PUS7: variants seen among roughly 807,000 people sequenced by gnomAD.
PUS7 encodes the protein pseudouridine synthase 7.
PUS7 carries 48 observed loss-of-function variants against 79.8 expected under a neutral mutation model. That is an observed-to-expected ratio of 0.60 (90% CI 0.48 to 0.76). The LOEUF is 0.76. PUS7 is among the 30% of genes least tolerant of loss of function. The pLI is 0.00. For missense variants in PUS7, 729 were observed against 797.6 expected, an observed-to-expected ratio of 0.91 and a Z score of 1.04; for synonymous variants, 286 against 272.2, an observed-to-expected ratio of 1.05 and a Z score of -0.50.
At chr7:105,476,987 A>C (rs551163419) in intron 9 of PUS7, among the ~76,000 whole-genome samples, 97 of 152,294 alleles carry the variant, frequency 6.4e-4, no homozygotes, top group Non-Finnish European at 1.2e-3. Flanking sequence ...GTCTCTTATC[A>C]GATGTATGAT....
chr7:105,501,759 T>A (rs1425065062), intron 5 of PUS7, among the ~76,000 whole-genome samples: 1 of 151,750 alleles, frequency 6.6e-6, no homozygotes, highest in East Asian at 1.9e-4. Context: ...ATCAAGACCA[T>A]CCTGGCTAAC....
chr7:105,464,338 C>T (rs1823552147), intron 13 of PUS7, among the ~76,000 whole-genome samples: 1 of 152,176 alleles, frequency 6.6e-6, no homozygotes, highest in South Asian at 2.1e-4. Context: ...AGAGGGAAAT[C>T]CAGGTGGTTT....
chr7:105,477,799 A>G (rs1333347446), intron 9 of PUS7, among the ~76,000 whole-genome samples: 1 of 151,954 alleles, frequency 6.6e-6, no homozygotes, highest in African/African-American at 2.4e-5. Context: ...AATTTCATAG[A>G]AATTGATTCA....
chr7:105,493,900 T>A (rs570216617), intron 6 of PUS7, among the ~76,000 whole-genome samples: 1 of 152,386 alleles, frequency 6.6e-6, no homozygotes, highest in South Asian at 2.1e-4. Context: ...TATTTTGTTA[T>A]GGAAGTCCTA....
chr7:105,483,933 G>A (rs780062806), intron 7 of PUS7, among the ~76,000 whole-genome samples: 7 of 152,166 alleles, frequency 4.6e-5, no homozygotes, highest in South Asian at 2.1e-4. Context: ...CCAGGCCAGC[G>A]CTTTTACACG....
Position 105,463,082 on chromosome 7 carries a change from A to G in PUS7, c.1628-332T>C, listed in dbSNP as rs376482859. 9.2e-5 allele frequency among the ~76,000 whole-genome samples: 14 copies of G among 152,326 alleles called. No individual in the cohort carries two copies. The East Asian group carries it at 2.7e-3, about 29-fold the overall frequency. On this transcript the variant is annotated intron_variant, in intron 13 of 15. Coordinates refer to ENST00000469408, the MANE Select transcript of PUS7 (RefSeq NM_019042.5). ...CATTTTATATGGGCTGAGAGTTGGA[A>G]GACAGCATATACAGAGGCTTCAAAC...
rs112752687 is a variant in PUS7, at chr7:105,505,003, A to ATTTTTTTTTTTTTTTTTT, written c.585+951_585+952insAAAAAAAAAAAAAAAAAA. 6.3e-4 allele frequency among the ~76,000 whole-genome samples: 90 copies of ATTTTTTTTTTTTTTTTTT among 142,632 alleles called. 2 individuals carry two copies. Among genetic ancestry groups the ATTTTTTTTTTTTTTTTTT allele is most frequent in the South Asian group, 2.5e-3 (11 of 4,362 alleles). 93.6% of individuals were successfully genotyped at this position (142,632 alleles called of 152,430 possible). ...TGTAGTACAAAATTAATTTAACATA[A>ATTTTTTTTTTTTTTTTTT]TTTTTTTTTTTTTTTGATATGGAGT... On this transcript the variant is annotated intron_variant, in intron 4 of 15. Transcript: ENST00000469408.
At chr7:105,508,618 C>T in intron 1 of PUS7, 74 bp from the exon 2 acceptor site, 4 of 1,507,696 alleles carry the variant, frequency 2.7e-6, no homozygotes, top group Non-Finnish European at 3.5e-6. Context: ...TGGCTCACAC[C>T]TGTAATCCCA....
In PUS7 at chr7:105,465,305, GA is replaced by G. The variant is rs758206769; in HGVS notation, c.1627+7del. The G allele has an allele frequency of 1.0e-5, 16 of 1,580,166 alleles. No individual in the cohort carries two copies. The Admixed American group carries it at 2.7e-4, about 27-fold the overall frequency. On this transcript the variant is annotated splice_region_variant and intron_variant, in intron 13 of 15. Coordinates refer to ENST00000469408, the MANE Select transcript of PUS7 (RefSeq NM_019042.5). ...GTTTTAACTATTTTCCCCATACAGG[GA>G]ACTTACTTTTATGCTTTGGGTAGAT...
chr7:105,498,181 C>G (rs1266196442), intron 5 of PUS7, among the ~76,000 whole-genome samples: 1 of 152,154 alleles, frequency 6.6e-6, no homozygotes, highest in African/African-American at 2.4e-5. Context: ...AGTATGCATT[C>G]TTTTTCTAAG....
Position 105,508,058 on chromosome 7 carries a change from T to C in PUS7, c.398+57A>G, listed in dbSNP as rs1205663683. On this transcript the variant is annotated intron_variant, in intron 2 of 15. Coordinates refer to ENST00000469408, the MANE Select transcript of PUS7 (RefSeq NM_019042.5). The stretch of plus-strand genomic sequence containing the variant: ...AGTGGAAGAATATAAAGCTAATTTC[T>C]TTCTAAAGAAGAAACCTAATACAAT... 15 of 1,508,760 alleles carry C rather than the reference T, an allele frequency of 9.9e-6. No homozygotes were observed. In the East Asian group the frequency reaches 2.8e-4, roughly 28 times the overall value. The allele number at this position is 1,508,760 out of a possible 1,614,324, so 93.5% of individuals were successfully genotyped here. A position where few individuals can be genotyped will look rare whatever the true frequency, so the allele number is the denominator to read the frequency against.
intron 12 of PUS7, among the ~76,000 whole-genome samples, chr7:105,467,034 GTTTTTTTT>G (rs56177512): frequency 0.015 from 1,032 of 70,706 alleles, 12 homozygotes; most frequent in African/African-American, 0.04. Flanking sequence ...AGTTTTTTCT[GTTTTTTTT>G]TTTTTTTTTT....
rs573382342 is a variant in PUS7, at chr7:105,457,064, G to C, written c.*726C>G. The stretch of plus-strand genomic sequence containing the variant: ...GAGAGTCACTGGAGCCTGGGAGGTC[G>C]AGGCTGCAGTGCAAGATTGAGAATT... On this transcript the variant is annotated 3_prime_UTR_variant, in exon 16 of 16. Transcript: ENST00000469408. 1.3e-5 allele frequency: 2 copies of C among 151,984 alleles called. No individual in the cohort carries two copies. The highest frequency in any genetic ancestry group is 4.8e-5 in the African/African-American group (2 of 41,358). 9.4% of individuals were successfully genotyped at this position (151,984 alleles called of 1,614,324 possible).
In PUS7 at chr7:105,483,359, T is replaced by A. The variant is rs182070130; in HGVS notation, c.921-919A>T. 2.0e-3 allele frequency among the ~76,000 whole-genome samples: 310 copies of A among 152,262 alleles called. 2 individuals are homozygous for A. The highest frequency in any genetic ancestry group is 0.015 in the South Asian group (74 of 4,822). On this transcript the variant is annotated intron_variant, in intron 7 of 15. Coordinates refer to ENST00000469408, the MANE Select transcript of PUS7 (RefSeq NM_019042.5). ...TTTTTAGTTTTAGTACAGATGGGGT[T>A]TCACCATGTTGGCCAGGCTGGTCTT...
chr7:105,511,725 C>A (rs1157383634), intron 1 of PUS7, among the ~76,000 whole-genome samples: 1 of 152,042 alleles, frequency 6.6e-6, no homozygotes, highest in African/African-American at 2.4e-5. Context: ...GACGCCACTG[C>A]GCTCCAGCCT....
chr7:105,481,032 A>T lies in PUS7; in HGVS notation c.1175+20T>A. The T allele has an allele frequency of 6.3e-7, 1 of 1,599,002 alleles. No homozygotes were observed. The highest frequency in any genetic ancestry group is 1.7e-4 in the Middle Eastern group (1 of 5,984). ...TGTTTATGAGAAAGCTATTTTTGAT[A>T]AAAGAAATTAAATACCAACCTTCCA... On this transcript the variant is annotated intron_variant, in intron 9 of 15. Transcript: ENST00000469408.
rs768709798 is a variant in PUS7, at chr7:105,470,765, T to C, written c.1321A>G (p.Lys441Glu). 3.7e-6 allele frequency: 6 copies of C among 1,612,928 alleles called. No individual in the cohort carries two copies. In the Admixed American group the frequency reaches 8.3e-5, roughly 22 times the overall value. The change falls in exon 11 of 16, where the codon AAA becomes GAA. Residue 441 changes from lysine (K) to glutamate (E), a missense_variant. Lys to Glu is a moderately conservative substitution (Grantham distance 56). Transcript: ENST00000469408. ...PTAALRKLPV[K>E]RCVEGQLLRG... ...AGCAGCTGCCCTTCCACACACCTTT[T>C]GACAGGTAGTTTTCTGAGGGCAGCA...
intron 5 of PUS7, among the ~76,000 whole-genome samples, chr7:105,496,220 T>TAGAGAGAGAGAGAGAGAGAG (rs1350234352): frequency 4.8e-5 from 4 of 83,298 alleles, no homozygotes; most frequent in Admixed American, 3.4e-4. Context: ...TATATATATA[T>TAGAGAGAGAGAGAGAGAGAG]ATATATAGAG....
intron 1 of PUS7, among the ~76,000 whole-genome samples, chr7:105,520,559 T>TAAAA (rs1554355031): frequency 5.3e-4 from 44 of 83,388 alleles, no homozygotes; most frequent in South Asian, 8.4e-4. Context: ...AATAAATAAA[T>TAAAA]AAAAATACAA....
Sources: gnomAD v4.1 joint callset for allele counts (sites outside exome capture counted in the v4.1 genomes callset) on GRCh38, gnomAD v4.1.1 for gene constraint, MANE v1.5 for transcripts, NCBI Gene and HGNC (gene_info 2026-07-23, HGNC 2026-07-21) for gene names.